The following NSMCE1 variants were observed in gnomAD, a reference collection of about 807,000 sequenced individuals.
NSMCE1 encodes the protein non-structural maintenance of chromosomes element 1 homolog.
Under a neutral mutation model 29.6 loss-of-function variants are expected in NSMCE1, and 18 were observed. That is an observed-to-expected ratio of 0.61 (90% CI 0.42 to 0.90). NSMCE1 has a LOEUF of 0.90. NSMCE1 is among the 40% of genes least tolerant of loss of function. The pLI, the probability that NSMCE1 is intolerant of heterozygous loss-of-function variation, is 0.00. For synonymous variants in NSMCE1, 124 were observed against 133.4 expected (o/e 0.93, Z 0.49); for missense variants, 314 against 343.6 (o/e 0.91, Z 0.68).
chr16:27,259,234 CCTT>C (rs2084126298), intron 1 of NSMCE1, among the ~76,000 whole-genome samples: 1 of 152,146 alleles, frequency 6.6e-6, no homozygotes, highest in Non-Finnish European at 1.5e-5. Context: ...TCTCCCAAGT[CCTT>C]CTCTTTGCAA....
At chr16:27,248,326 C>T (rs2083979335) in intron 2 of NSMCE1, among the ~76,000 whole-genome samples, 1 of 151,666 alleles carries the variant, frequency 6.6e-6, no homozygotes. Context: ...ATGTTCTCAC[C>T]AATACTTGCC....
At chr16:27,237,972 C>T (rs2083844705) in intron 2 of NSMCE1, among the ~76,000 whole-genome samples, 1 of 152,230 alleles carries the variant, frequency 6.6e-6, no homozygotes, top group Admixed American at 6.5e-5. Flanking sequence ...CACACGCTTC[C>T]TGCATCAGGG....
intron 1 of NSMCE1, among the ~76,000 whole-genome samples, chr16:27,262,525 A>G (rs1053244117): frequency 1.3e-5 from 2 of 152,208 alleles, no homozygotes; most frequent in African/African-American, 4.8e-5. Context: ...TGGTGCTAGT[A>G]TAAGTGGCTA....
intron 2 of NSMCE1, chr16:27,242,018 G>A (rs1416139177): frequency 6.2e-6 from 2 of 323,024 alleles, no homozygotes; most frequent in African/African-American, 4.3e-5. Flanking sequence ...CAATGATGTT[G>A]AGAATACTTC....
At position 27,233,085 on chromosome 16, in the gene NSMCE1, A is replaced by G; in HGVS notation, c.399T>C (p.Val133=). The part of the protein sequence containing the change: ...FASSTNILNL[V]DQLKGKKMRK... Reference sequence around the variant, plus strand: ...TCATCTTCTTGCCTTTAAGTTGATCAACCAGGTTCAATATGTTTGTGGAAG... The same window carrying G: ...TCATCTTCTTGCCTTTAAGTTGATCGACCAGGTTCAATATGTTTGTGGAAG... Residue 133 remains valine, a synonymous_variant, in exon 5 of 8, where the codon GTT becomes GTC. Coordinates refer to ENST00000361439, the MANE Select transcript of NSMCE1 (RefSeq NM_145080.4). 2 of 1,614,194 alleles carry G rather than the reference A, an allele frequency of 1.2e-6. No individual in the cohort carries two copies. Among genetic ancestry groups the G allele is most frequent in the Non-Finnish European group, 8.5e-7 (1 of 1,180,016 alleles).
intron 1 of NSMCE1, among the ~76,000 whole-genome samples, chr16:27,261,747 A>G (rs1466421389): frequency 2.0e-5 from 3 of 152,234 alleles, no homozygotes; most frequent in Admixed American, 2.0e-4. Context: ...AAACCTAACA[A>G]GGATGTCAAA....
rs754668969 is a variant in NSMCE1, at chr16:27,232,947, A to G, written c.483+54T>C. On this transcript the variant is annotated intron_variant, in intron 5 of 7. Coordinates refer to ENST00000361439, the MANE Select transcript of NSMCE1 (RefSeq NM_145080.4). This position sits in a 1 kb window ranked among gnomAD's most constrained non-coding sequence, Gnocchi z 4.5. ...GCTACAAGTACGATTTTGGAGAAAA[A>G]ACTGTTATTCACTTGAAAAAGTGAA... 2.8e-5 allele frequency: 44 copies of G among 1,588,520 alleles called. No individual in the cohort carries two copies. Among genetic ancestry groups the G allele is most frequent in the Non-Finnish European group, 3.5e-5 (41 of 1,165,378 alleles).
intron 2 of NSMCE1, among the ~76,000 whole-genome samples, chr16:27,245,368 C>T (rs1242016808): frequency 3.3e-5 from 5 of 152,226 alleles, no homozygotes; most frequent in Non-Finnish European, 7.3e-5. Context: ...TACTTCCACG[C>T]ATCAGCACAT....
intron 2 of NSMCE1, 126 bp downstream of exon 2, chr16:27,257,309 T>A: frequency 1.4e-6 from 1 of 706,518 alleles, no homozygotes; most frequent in Non-Finnish European, 2.2e-6. Context: ...CGTGTAAGAT[T>A]GTGAAGAGGC....
rs978967831 is a variant in NSMCE1, at chr16:27,232,277, T to C, written c.483+724A>G. ...GTGGTCAACTCGGCAAACACTGAGC[T>C]GTTGAAAACAGGGGTGCCTTTTGTG... On this transcript the variant is annotated intron_variant, in intron 5 of 7. Coordinates refer to ENST00000361439, the MANE Select transcript of NSMCE1 (RefSeq NM_145080.4). This position sits in a 1 kb window ranked among gnomAD's most constrained non-coding sequence, Gnocchi z 4.5. Among the ~76,000 whole-genome samples the C allele has an allele frequency of 6.6e-6, 1 of 152,196 alleles. No homozygotes were observed. The highest frequency in any genetic ancestry group is 1.5e-5 in the Non-Finnish European group (1 of 68,036).
intron 2 of NSMCE1, among the ~76,000 whole-genome samples, chr16:27,250,653 C>G (rs12919473): frequency 6.6e-6 from 1 of 151,234 alleles, no homozygotes; most frequent in African/African-American, 2.4e-5. Flanking sequence ...ATTCGTCGGG[C>G]GTGGTGGCAC....
chr16:27,243,280 C>A (rs1432873044), intron 2 of NSMCE1, among the ~76,000 whole-genome samples: 2 of 152,198 alleles, frequency 1.3e-5, no homozygotes, highest in African/African-American at 4.8e-5. Flanking sequence ...GGGCAGGAAA[C>A]CCGCTGTCAT....
At chr16:27,239,897 C>T (rs1256528216) in intron 2 of NSMCE1, among the ~76,000 whole-genome samples, 3 of 152,194 alleles carry the variant, frequency 2.0e-5, no homozygotes, top group Non-Finnish European at 2.9e-5. Context: ...AGTAAAGTAG[C>T]TCATGTTAGG....
chr16:27,262,004 AG>A (rs2084162948), intron 1 of NSMCE1, among the ~76,000 whole-genome samples: 1 of 152,210 alleles, frequency 6.6e-6, no homozygotes, highest in Admixed American at 6.5e-5. Flanking sequence ...GCACTTTGGG[AG>A]GCCAAGGCGG....
chr16:27,235,956 G>A (rs1244808091), intron 2 of NSMCE1, among the ~76,000 whole-genome samples: 1 of 152,192 alleles, frequency 6.6e-6, no homozygotes, highest in African/African-American at 2.4e-5. Context: ...CAGCTCTCTG[G>A]GCACAGGGGA....
intron 5 of NSMCE1, among the ~76,000 whole-genome samples, chr16:27,227,309 A>G (rs1420132970): frequency 6.6e-6 from 1 of 152,246 alleles, no homozygotes; most frequent in Non-Finnish European, 1.5e-5. Context: ...CAACTGCAGT[A>G]GGGACCCTCA....
At chr16:27,244,930 G>C (rs2083938186) in intron 2 of NSMCE1, among the ~76,000 whole-genome samples, 1 of 152,210 alleles carries the variant, frequency 6.6e-6, no homozygotes, top group African/African-American at 2.4e-5. Context: ...ACCATGCTTT[G>C]TGAATTTTCT....
chr16:27,227,875 T>C (rs1393491343), intron 5 of NSMCE1, among the ~76,000 whole-genome samples: 1 of 149,414 alleles, frequency 6.7e-6, no homozygotes, highest in Non-Finnish European at 1.5e-5. Context: ...AACTTCCGCA[T>C]CCCGGGTTCA....
At chr16:27,255,526 G>C (rs978415297) in intron 2 of NSMCE1, among the ~76,000 whole-genome samples, 1 of 152,156 alleles carries the variant, frequency 6.6e-6, no homozygotes, top group Admixed American at 6.5e-5. Flanking sequence ...ATTAGGTTTG[G>C]ATACACAGAA....
Sources: gnomAD v4.1 joint callset for allele counts (sites outside exome capture counted in the v4.1 genomes callset) on GRCh38, gnomAD v4.1.1 for gene constraint, Gnocchi (gnomAD v3.1) non-coding constraint, MANE v1.5 for transcripts, NCBI Gene and HGNC (gene_info 2026-07-23, HGNC 2026-07-21) for gene names.